UGT2B7: variants seen among roughly 807,000 people sequenced by gnomAD.
UGT2B7 encodes UDP-glucuronosyltransferase 2B7.
Under a neutral mutation model 51.9 loss-of-function variants are expected in UGT2B7, and 51 were observed. That is an observed-to-expected ratio of 0.98 (90% CI 0.78 to 1.24). The LOEUF is 1.24. Among genes scored for constraint, UGT2B7 ranks in the 50% most tolerant of loss-of-function variants. UGT2B7 has a pLI of 0.00. For synonymous variants in UGT2B7, 225 were observed against 211.6 expected, an observed-to-expected ratio of 1.06 and a Z score of -0.55; for missense variants, 727 against 628.4, an observed-to-expected ratio of 1.16 and a Z score of -1.68.
chr4:69,070,051 G>C (rs1718567464), intron 1 of UGT2B7, among the ~76,000 whole-genome samples: 1 of 151,414 alleles, frequency 6.6e-6, no homozygotes, highest in East Asian at 1.9e-4. Context: ...CATTATGTAA[G>C]GTACAATTTT....
At chr4:69,088,398 A>T (rs1458834990) in intron 1 of UGT2B7, among the ~76,000 whole-genome samples, 1 of 152,006 alleles carries the variant, frequency 6.6e-6, no homozygotes, top group Non-Finnish European at 1.5e-5. Flanking sequence ...AACTTTTAAA[A>T]TAGGTGTGCA....
At chr4:69,084,159 GATATA>G (rs1718897864) in intron 1 of UGT2B7, among the ~76,000 whole-genome samples, 2 of 151,946 alleles carry the variant, frequency 1.3e-5, no homozygotes, top group Admixed American at 1.3e-4. Flanking sequence ...TAATTCTCTT[GATATA>G]ATATATCACA....
chr4:69,108,388 T>A (rs1719676807), intron 5 of UGT2B7, 66 bp downstream of exon 5: 9 of 1,554,412 alleles, frequency 5.8e-6, no homozygotes, highest in Non-Finnish European at 7.9e-6. Context: ...ATAGTGAGTG[T>A]GAGTTTCATC....
In UGT2B7 at chr4:69,112,693, T is replaced by C; in HGVS notation, c.1547T>C (p.Phe516Ser). The C allele has an allele frequency of 6.2e-7, 1 of 1,613,930 alleles. No individual in the cohort carries two copies. The highest frequency in any genetic ancestry group is 8.5e-7 in the Non-Finnish European group (1 of 1,179,868). ...GTCACAAAATGTTGTCTGTTTTGTT[T>C]CTGGAAGTTTGCTAGAAAAGCAAAG... ...FIVTKCCLFC[F>S]WKFARKAKKG... Residue 516 changes from phenylalanine to serine, a missense_variant, in exon 6 of 6, where the codon TTC becomes TCC. Coordinates refer to ENST00000305231, the MANE Select transcript of UGT2B7 (RefSeq NM_001074.4).
At chr4:69,102,738 C>T (rs1719457681) in intron 2 of UGT2B7, 69 bp from the exon 3 acceptor site, 2 of 1,562,404 alleles carry the variant, frequency 1.3e-6, no homozygotes, top group Admixed American at 4.1e-5. Context: ...TAGTAATTTG[C>T]ACCAATTCTT....
chr4:69,107,891 T>TTAGCC (rs1719653300), intron 4 of UGT2B7, among the ~76,000 whole-genome samples: 1 of 152,154 alleles, frequency 6.6e-6, no homozygotes, highest in African/African-American at 2.4e-5. Context: ...CAACTGGAAA[T>TTAGCC]CTTGTATTGT....
Position 69,108,247 on chromosome 4 carries a change from C to G in UGT2B7, c.1235C>G (p.Ala412Gly). 1.2e-6 allele frequency: 2 copies of G among 1,613,702 alleles called. No homozygotes were observed. Among genetic ancestry groups the G allele is most frequent in the Non-Finnish European group, 1.7e-6 (2 of 1,179,712 alleles). Residue 412 changes from alanine (A) to glycine (G), a missense_variant, in exon 5 of 6, where the codon GCT (alanine) becomes GGT (glycine). Ala to Gly is a moderately conservative substitution (Grantham distance 60, BLOSUM62 0). Transcript: ENST00000305231. ...GCTCACATGAAGGCCAGGGGAGCAGCTGTTAGAGTGGACTTCAACACAATG... is the reference window on the plus strand; with the variant it reads ...GCTCACATGAAGGCCAGGGGAGCAGGTGTTAGAGTGGACTTCAACACAATG... ...NIAHMKARGAAVRVDFNTMSS... is the reference protein window; with the variant it reads ...NIAHMKARGAGVRVDFNTMSS...
intron 1 of UGT2B7, among the ~76,000 whole-genome samples, chr4:69,081,685 C>T (rs1718841406): frequency 6.6e-6 from 1 of 152,114 alleles, no homozygotes; most frequent in South Asian, 2.1e-4. Context: ...CTAGATTCTA[C>T]CAAAGCTTTC....
At chr4:69,072,846 T>C (rs28684869) in intron 1 of UGT2B7, among the ~76,000 whole-genome samples, 5,131 of 152,278 alleles carry the variant, frequency 0.034, 122 homozygotes, top group Middle Eastern at 0.11. Context: ...TGAAAACTTG[T>C]AAAGCATAAA....
chr4:69,109,507 C>T (rs1381514506), intron 5 of UGT2B7, among the ~76,000 whole-genome samples: 1 of 152,074 alleles, frequency 6.6e-6, no homozygotes, highest in Non-Finnish European at 1.5e-5. Context: ...AATCTTCATA[C>T]GTGCCTACTG....
At chr4:69,087,470 TACC>T (rs1560505672) in intron 1 of UGT2B7, among the ~76,000 whole-genome samples, 1 of 152,016 alleles carries the variant, frequency 6.6e-6, no homozygotes, top group African/African-American at 2.4e-5. Flanking sequence ...ATGGCTTATA[TACC>T]ACAATTATAG....
At chr4:69,111,403 G>A (rs1011100124) in intron 5 of UGT2B7, among the ~76,000 whole-genome samples, 1 of 152,090 alleles carries the variant, frequency 6.6e-6, no homozygotes, top group African/African-American at 2.4e-5. Flanking sequence ...TAATGTAGAA[G>A]CAAAGTGACT....
At chr4:69,091,188 A>G (rs1365957049) in intron 2 of UGT2B7, among the ~76,000 whole-genome samples, 1 of 152,228 alleles carries the variant, frequency 6.6e-6, no homozygotes, top group Non-Finnish European at 1.5e-5. Context: ...CTCTAAACAC[A>G]TCCTGTATTA....
chr4:69,055,098 T>TAAAAAAAAAAAAAAAA (rs1178892377), intron 1 of UGT2B7, among the ~76,000 whole-genome samples: 2 of 22,560 alleles, frequency 8.9e-5, no homozygotes, highest in African/African-American at 4.0e-4. Flanking sequence ...AAGTAATAGC[T>TAAAAAAAAAAAAAAAA]AAAAAAAAAA....
intron 1 of UGT2B7, among the ~76,000 whole-genome samples, chr4:69,063,789 T>C (rs1242444646): frequency 2.0e-5 from 3 of 152,058 alleles, no homozygotes; most frequent in Admixed American, 6.5e-5. Context: ...GTGTTGGCTA[T>C]ATTAAAAGGT....
At chr4:69,085,126 C>T (rs1306185777) in intron 1 of UGT2B7, among the ~76,000 whole-genome samples, 4 of 152,148 alleles carry the variant, frequency 2.6e-5, no homozygotes, top group Non-Finnish European at 4.4e-5. Flanking sequence ...TCCTCTCCAG[C>T]ATCAGTTGTT....
At chr4:69,072,203 T>G (rs1283430491) in intron 1 of UGT2B7, among the ~76,000 whole-genome samples, 3 of 152,138 alleles carry the variant, frequency 2.0e-5, no homozygotes, top group Non-Finnish European at 2.9e-5. Context: ...ATTGTGCATG[T>G]GTCTGTTTCT....
At chr4:69,098,516 C>CTTT (rs34182209) in intron 1 of UGT2B7, 24 bp from the exon 2 acceptor site, 1,564 of 1,468,766 alleles carry the variant, frequency 1.1e-3, no homozygotes, top group South Asian at 1.2e-3. Flanking sequence ...TGTCATCCAC[C>CTTT]TTTTTTTTTT....
chr4:69,112,277 C>T (rs1024162625), intron 5 of UGT2B7, among the ~76,000 whole-genome samples, 180 bp from the exon 6 acceptor site: 12 of 152,156 alleles, frequency 7.9e-5, no homozygotes, highest in African/African-American at 2.9e-4. Context: ...CGCAGACCCC[C>T]TTAGAGTTGT....
Sources: allele counts gnomAD v4.1 joint callset (sites outside exome capture counted in the v4.1 genomes callset), GRCh38; gene constraint gnomAD v4.1.1; transcripts MANE v1.5; gene names NCBI Gene and HGNC (gene_info 2026-07-23, HGNC 2026-07-21).